Variants in DAB1 observed in about 807,000 individuals in gnomAD.
DAB1 encodes DAB adaptor protein 1.
A neutral mutation model predicts 64.6 loss-of-function variants in DAB1; 15 were observed. The ratio of observed to expected loss-of-function variants is 0.23; its 90% CI spans 0.16 to 0.36. The LOEUF (loss-of-function observed/expected upper bound fraction) is 0.36. Among genes scored for constraint, DAB1 ranks in the 10% least tolerant of loss-of-function variants. DAB1 has a pLI of 1.00. For missense variants in DAB1, 596 were observed against 706.7 expected, an observed-to-expected ratio of 0.84 and a Z score of 1.78; for synonymous variants, 235 against 251.9, an observed-to-expected ratio of 0.93 and a Z score of 0.64.
intron 1 of DAB1, among the ~76,000 whole-genome samples, chr1:57,405,638 G>A (rs1683573197): frequency 6.6e-6 from 1 of 152,180 alleles, no homozygotes; most frequent in African/African-American, 2.4e-5. Flanking sequence ...ACCTACATGA[G>A]TCCAGTATTC....
intron 2 of DAB1, among the ~76,000 whole-genome samples, chr1:57,259,003 G>C (rs1384411273): frequency 6.6e-6 from 1 of 152,086 alleles, no homozygotes; most frequent in Non-Finnish European, 1.5e-5. Context: ...ATGCCTGCTT[G>C]GTAGATTTTT....
intron 7 of DAB1, among the ~76,000 whole-genome samples, chr1:57,563,869 C>A (rs1645083937): frequency 6.6e-6 from 1 of 152,190 alleles, no homozygotes; most frequent in Non-Finnish European, 1.5e-5. Flanking sequence ...GGGGGCAGGG[C>A]ATAGCCAAAC....
intron 1 of DAB1, among the ~76,000 whole-genome samples, chr1:57,379,257 C>A (rs181506801): frequency 5.9e-4 from 89 of 151,996 alleles, no homozygotes; most frequent in African/African-American, 2.1e-3. Context: ...CAAAAACAAA[C>A]AAACAAATAC....
chr1:57,166,988 C>T (rs1486094587), intron 2 of DAB1, among the ~76,000 whole-genome samples: 1 of 152,110 alleles, frequency 6.6e-6, no homozygotes, highest in Non-Finnish European at 1.5e-5. Context: ...AATTTGAGTG[C>T]CAGCTCAGAT....
chr1:57,371,015 C>T (rs1007492643), intron 1 of DAB1, among the ~76,000 whole-genome samples: 1 of 152,168 alleles, frequency 6.6e-6, no homozygotes, highest in African/African-American at 2.4e-5. Flanking sequence ...AGCCATCGCC[C>T]TAATTTTGGT....
intron 5 of DAB1, among the ~76,000 whole-genome samples, chr1:57,905,955 T>C (rs998232667): frequency 1.3e-5 from 2 of 152,216 alleles, no homozygotes; most frequent in African/African-American, 2.4e-5. Flanking sequence ...GAGTTTGTCA[T>C]TGCCTGAATG....
chr1:57,802,054 T>C (rs1158358381), intron 6 of DAB1, among the ~76,000 whole-genome samples: 1 of 152,210 alleles, frequency 6.6e-6, no homozygotes, highest in African/African-American at 2.4e-5. Context: ...TTCCTTCAAG[T>C]GCCTTTGAAC....
At position 57,983,389 on chromosome 1, in the gene DAB1, TGAAATCTG is replaced by T. The variant is rs534816376; in HGVS notation, n.388-99235_388-99228del. Among the ~76,000 whole-genome samples, 9 of 152,152 alleles carry T rather than the reference TGAAATCTG, an allele frequency of 5.9e-5. No individual in the cohort carries two copies. In the South Asian group the frequency reaches 1.9e-3, roughly 32 times the overall value. ...AAAGTCACACTGAAAGATTCAGGGG[TGAAATCTG>T]GCCAACATTTTCTGGGCATTGAGTG... On this transcript the variant is annotated intron_variant and non_coding_transcript_variant, in intron 5 of 20. Transcript: ENST00000485760.
chr1:57,768,835 A>G (rs1020580463), intron 6 of DAB1, among the ~76,000 whole-genome samples: 5 of 152,158 alleles, frequency 3.3e-5, no homozygotes, highest in African/African-American at 7.2e-5. Flanking sequence ...ATTTTACTTA[A>G]TATTTCATAG....
intron 6 of DAB1, among the ~76,000 whole-genome samples, chr1:57,801,684 A>G (rs1015463649): frequency 4.0e-5 from 6 of 151,208 alleles, no homozygotes; most frequent in Non-Finnish European, 7.4e-5. Flanking sequence ...TTGAGACACG[A>G]TCTTACTGTG....
At chr1:57,044,717 AGGTCAC>A (rs1192759001) in intron 9 of DAB1, among the ~76,000 whole-genome samples, 4 of 152,228 alleles carry the variant, frequency 2.6e-5, no homozygotes, top group African/African-American at 9.6e-5. Context: ...CTCCTTAGTA[AGGTCAC>A]GGGTGGTTGG....
intron 5 of DAB1, among the ~76,000 whole-genome samples, chr1:57,921,313 T>C (rs1449433592): frequency 6.6e-6 from 1 of 152,222 alleles, no homozygotes; most frequent in Non-Finnish European, 1.5e-5. Context: ...GGAATAGTAT[T>C]TGCCACTTGG....
intron 6 of DAB1, among the ~76,000 whole-genome samples, chr1:57,725,698 A>G (rs1647200233): frequency 6.6e-6 from 1 of 152,108 alleles, no homozygotes; most frequent in Non-Finnish European, 1.5e-5. Flanking sequence ...TACCATTATG[A>G]TTAGAGAACA....
At chr1:58,128,304 G>C (rs1431265893) in intron 5 of DAB1, among the ~76,000 whole-genome samples, 2 of 150,136 alleles carry the variant, frequency 1.3e-5, no homozygotes, top group African/African-American at 2.5e-5. Context: ...TTTGTACATT[G>C]ATTTTGTATC....
intron 5 of DAB1, among the ~76,000 whole-genome samples, chr1:57,926,190 G>A (rs1404954866): frequency 6.6e-6 from 1 of 152,200 alleles, no homozygotes; most frequent in Non-Finnish European, 1.5e-5. Context: ...TCCACAGAAT[G>A]GCGAGGACAA....
intron 4 of DAB1, among the ~76,000 whole-genome samples, chr1:58,230,210 C>A (rs1659710732): frequency 6.6e-6 from 1 of 152,192 alleles, no homozygotes; most frequent in Admixed American, 6.5e-5. Context: ...GGAAGGAAGT[C>A]ATCAGATATT....
intron 1 of DAB1, among the ~76,000 whole-genome samples, chr1:58,540,729 G>A (rs1171086582): frequency 6.6e-6 from 1 of 150,974 alleles, no homozygotes; most frequent in African/African-American, 2.4e-5. Context: ...AAAAGGCACA[G>A]GGCATCAATG....
intron 3 of DAB1, among the ~76,000 whole-genome samples, chr1:57,142,266 T>C (rs993769445): frequency 6.6e-6 from 1 of 152,136 alleles, no homozygotes; most frequent in African/African-American, 2.4e-5. Flanking sequence ...GGAAACAGAA[T>C]TTTTTATTTC....
intron 5 of DAB1, among the ~76,000 whole-genome samples, chr1:58,042,972 G>T (rs1435302772): frequency 6.6e-6 from 1 of 152,190 alleles, no homozygotes; most frequent in African/African-American, 2.4e-5. Flanking sequence ...CAAAGGTGTT[G>T]CATGCTAATA....
Sources: gnomAD v4.1 joint callset for allele counts (sites outside exome capture counted in the v4.1 genomes callset) on GRCh38, gnomAD v4.1.1 for gene constraint, MANE v1.5 for transcripts, NCBI Gene and HGNC (gene_info 2026-07-23, HGNC 2026-07-21) for gene names.